Variants in SOS1 observed in about 807,000 individuals in gnomAD.
SOS1 encodes son of sevenless homolog 1.
SOS1 carries 25 observed loss-of-function variants against 157.6 expected under a neutral mutation model. The observed-to-expected ratio is 0.16, with a 90% confidence interval of 0.12 to 0.22. The LOEUF (loss-of-function observed/expected upper bound fraction) is 0.22. Among genes scored for constraint, SOS1 ranks in the 10% least tolerant of loss-of-function variants. SOS1 has a pLI of 1.00. For synonymous variants in SOS1, 528 were observed against 534.0 expected (o/e 0.99, Z 0.16); for missense variants, 1,237 against 1,599.1 (o/e 0.77, Z 3.86).
At chr2:39,115,249 C>T (rs1261190592) in intron 1 of SOS1, among the ~76,000 whole-genome samples, 2 of 152,032 alleles carry the variant, frequency 1.3e-5, no homozygotes, top group East Asian at 3.9e-4. Flanking sequence ...AAAGCCTCTC[C>T]CTAAACAACC....
chr2:38,990,215 A>G lies in SOS1; in HGVS notation c.3347-901T>C, dbSNP rs1398332546. On this transcript the variant is annotated intron_variant, in intron 20 of 22. Coordinates refer to ENST00000402219, the MANE Select transcript of SOS1 (RefSeq NM_005633.4). ...TAGGCAATCCCTCACATAATTTGGA[A>G]TATTAAGTTTATTCAAGCATATTTG... 2.6e-5 allele frequency among the ~76,000 whole-genome samples: 4 copies of G among 151,626 alleles called. No individual in the cohort carries two copies. In the East Asian group the frequency reaches 7.8e-4, roughly 29 times the overall value.
In SOS1 at chr2:38,986,537, C is replaced by T. The variant is rs1464731502; in HGVS notation, c.3511-222G>A. On this transcript the variant is annotated intron_variant, in intron 22 of 22. Transcript: ENST00000402219. ...CTGGAGTGCAGTGGTGCAATCATGG[C>T]TCACTGTAGCCTCAACTTCCTGGGC... 3.9e-5 allele frequency among the ~76,000 whole-genome samples: 6 copies of T among 151,920 alleles called. 1 individual carries two copies. Among genetic ancestry groups the T allele is most frequent in the Admixed American group, 6.6e-5 (1 of 15,256 alleles).
intron 1 of SOS1, among the ~76,000 whole-genome samples, chr2:39,083,602 C>G (rs901272453): frequency 6.6e-6 from 1 of 152,044 alleles, no homozygotes; most frequent in African/African-American, 2.4e-5. Flanking sequence ...ATAGACTGTT[C>G]TTGGAAAAAG....
At chr2:39,081,278 G>GAGA (rs756618776) in intron 1 of SOS1, among the ~76,000 whole-genome samples, 5 of 152,224 alleles carry the variant, frequency 3.3e-5, no homozygotes, top group Non-Finnish European at 7.3e-5. Context: ...CCAGCACTGT[G>GAGA]AGAAGCGTGG....
At chr2:39,074,723 C>T (rs925998842) in intron 1 of SOS1, among the ~76,000 whole-genome samples, 23 of 151,662 alleles carry the variant, frequency 1.5e-4, no homozygotes, top group African/African-American at 5.3e-4. Flanking sequence ...CAAAATTAGC[C>T]GGGTATGGTG....
At chr2:39,026,925 C>CGGG in intron 8 of SOS1, among the ~76,000 whole-genome samples, 1 of 152,040 alleles carries the variant, frequency 6.6e-6, no homozygotes, top group Admixed American at 6.6e-5. Flanking sequence ...TGTGTTGGGC[C>CGGG]GGGGGTTAGA....
chr2:39,056,378 C>CT (rs1671211932), intron 4 of SOS1, among the ~76,000 whole-genome samples: 1 of 152,026 alleles, frequency 6.6e-6, no homozygotes, highest in African/African-American at 2.4e-5. Context: ...GACTGTGCCA[C>CT]TGCACTCCAG....
intron 3 of SOS1, among the ~76,000 whole-genome samples, chr2:39,058,445 A>G (rs1371437246): frequency 6.6e-6 from 1 of 152,030 alleles, no homozygotes; most frequent in Non-Finnish European, 1.5e-5. Flanking sequence ...TAGTCCTCTC[A>G]ACTTGCTTAT....
rs4670907 is a variant in SOS1 at position 39,050,925 on chromosome 2, C to T, written c.864+219G>A. Among the ~76,000 whole-genome samples the T allele has an allele frequency of 0.93, 141,633 of 152,178 alleles. 66,034 individuals carry two copies. The highest frequency in any genetic ancestry group is 0.97 in the African/African-American group (40,443 of 41,550). On this transcript the variant is annotated intron_variant, in intron 6 of 22. Transcript: ENST00000402219. ...ACAGCTGTAATACCTCCCCCCTTGG[C>T]GGTATCTGTCTTTCTATAATTAACA...
At chr2:39,120,062 G>T (rs1673806897) in intron 1 of SOS1, among the ~76,000 whole-genome samples, 1 of 152,194 alleles carries the variant, frequency 6.6e-6, no homozygotes, top group Non-Finnish European at 1.5e-5. Flanking sequence ...AACTGTTGTT[G>T]TCCTGGAATC....
chr2:39,000,223 CCTAA>C (rs938264360), intron 17 of SOS1, among the ~76,000 whole-genome samples: 4 of 152,116 alleles, frequency 2.6e-5, no homozygotes, highest in African/African-American at 7.2e-5. Flanking sequence ...TTATTTTGTG[CCTAA>C]CTGATGGCTA....
intron 1 of SOS1, chr2:39,098,362 C>T: frequency 4.1e-6 from 1 of 246,684 alleles, no homozygotes; most frequent in Non-Finnish European, 7.9e-6. Flanking sequence ...AGCATGTCTC[C>T]TTTGGTTACA....
At chr2:39,094,000 G>A (rs1483999548) in intron 1 of SOS1, among the ~76,000 whole-genome samples, 1 of 152,138 alleles carries the variant, frequency 6.6e-6, no homozygotes, top group Non-Finnish European at 1.5e-5. Context: ...GAATGTAGGA[G>A]GCTGAGTTTT....
intron 1 of SOS1, among the ~76,000 whole-genome samples, chr2:39,089,605 T>G (rs1458132349): frequency 6.6e-6 from 1 of 151,488 alleles, no homozygotes; most frequent in African/African-American, 2.4e-5. Flanking sequence ...CTGCAACAAT[T>G]TACACAACAA....
At chr2:39,124,748 C>T (rs1261740240), upstream of SOS1, among the ~76,000 whole-genome samples, 1 of 152,234 alleles carries the variant, frequency 6.6e-6, no homozygotes, top group Non-Finnish European at 1.5e-5. Flanking sequence ...ACAATCGGAC[C>T]GCTACTTATC....
At chr2:39,123,545 G>A (rs1260446829), upstream of SOS1, among the ~76,000 whole-genome samples, 1 of 151,194 alleles carries the variant, frequency 6.6e-6, no homozygotes, top group Non-Finnish European at 1.5e-5. Context: ...TTTAGTAGAG[G>A]TGGGGTTTCG....
At chr2:39,037,333 TA>T (rs1443828928) in intron 6 of SOS1, among the ~76,000 whole-genome samples, 1 of 152,216 alleles carries the variant, frequency 6.6e-6, no homozygotes, top group African/African-American at 2.4e-5. Context: ...GAAATGATCA[TA>T]TGCCAAATAT....
chr2:39,123,437 A>C (rs1673966191), upstream of SOS1, among the ~76,000 whole-genome samples: 1 of 151,120 alleles, frequency 6.6e-6, no homozygotes, highest in Non-Finnish European at 1.5e-5. Context: ...GGCTCACTAC[A>C]ACCTCCACTT....
At chr2:39,102,842 C>T (rs185291536) in intron 1 of SOS1, among the ~76,000 whole-genome samples, 3 of 152,050 alleles carry the variant, frequency 2.0e-5, no homozygotes, top group African/African-American at 7.2e-5. Flanking sequence ...GTAGTCCCAA[C>T]TACTCAGGAG....
Sources: gnomAD v4.1 joint callset for allele counts (sites outside exome capture counted in the v4.1 genomes callset) on GRCh38, gnomAD v4.1.1 for gene constraint, MANE v1.5 for transcripts, NCBI Gene and HGNC (gene_info 2026-07-23, HGNC 2026-07-21) for gene names.